Variants in ADCY2 observed in about 807,000 individuals in gnomAD.
ADCY2 encodes the protein adenylate cyclase type 2.
In ADCY2, 31 loss-of-function variants were observed where a neutral mutation model predicts 125.2. The ratio of observed to expected loss-of-function variants is 0.25; its 90% CI spans 0.19 to 0.33. ADCY2 has a LOEUF of 0.33. Among genes scored for constraint, ADCY2 ranks in the 10% least tolerant of loss-of-function variants. ADCY2 has a pLI of 1.00. For missense variants in ADCY2, 904 were observed against 1,418.2 expected (o/e 0.64, Z 5.82); for synonymous variants, 512 against 548.4 (o/e 0.93, Z 0.93).
chr5:7,650,376 A>C (rs1228119102), intron 4 of ADCY2, among the ~76,000 whole-genome samples: 1 of 152,218 alleles, frequency 6.6e-6, no homozygotes, highest in Non-Finnish European at 1.5e-5. Flanking sequence ...AGCTGCCATT[A>C]CCATAAATAT....
chr5:7,493,910 A>G (rs1205373792), intron 2 of ADCY2, among the ~76,000 whole-genome samples: 3 of 152,254 alleles, frequency 2.0e-5, no homozygotes, highest in Non-Finnish European at 4.4e-5. Context: ...CCCCTGGCTC[A>G]GGTCCATAAA....
intron 3 of ADCY2, among the ~76,000 whole-genome samples, chr5:7,564,399 C>T (rs1735820293): frequency 6.6e-6 from 1 of 152,262 alleles, no homozygotes; most frequent in African/African-American, 2.4e-5. Context: ...CAAACAATAA[C>T]CATGGCCTAC....
chr5:7,532,898 C>T (rs1384625298), intron 3 of ADCY2, among the ~76,000 whole-genome samples: 1 of 151,758 alleles, frequency 6.6e-6, no homozygotes, highest in African/African-American at 2.4e-5. Context: ...ACTTATGCAG[C>T]TCTGGCCATG....
At chr5:7,433,562 A>G (rs1372291927) in intron 2 of ADCY2, among the ~76,000 whole-genome samples, 2 of 152,228 alleles carry the variant, frequency 1.3e-5, no homozygotes, top group Admixed American at 6.5e-5. Flanking sequence ...TCTAAGAAGC[A>G]TAAAAACCAT....
At chr5:7,464,135 G>T (rs1230178993) in intron 2 of ADCY2, among the ~76,000 whole-genome samples, 1 of 152,008 alleles carries the variant, frequency 6.6e-6, no homozygotes. Context: ...TGTATATTTT[G>T]TGTGTGTGTT....
chr5:7,804,178 C>T (rs1744689688), intron 21 of ADCY2, among the ~76,000 whole-genome samples: 1 of 152,008 alleles, frequency 6.6e-6, no homozygotes. Context: ...AGCCAGTCCT[C>T]AGCACTAATA....
At position 7,806,313 on chromosome 5, in the gene ADCY2, TA is replaced by T. The variant is rs1005991584; in HGVS notation, c.2883+1631del. Reference sequence around the variant, plus strand: ...TAATGTTCTGGAAAACATTGACCATTAAAAAAAAAATAACATTAAGACATGT... The same window carrying T: ...TAATGTTCTGGAAAACATTGACCATTAAAAAAAAATAACATTAAGACATGT... On this transcript the variant is annotated intron_variant, in intron 22 of 24. Transcript: ENST00000338316. 2.5e-3 allele frequency among the ~76,000 whole-genome samples: 369 copies of T among 148,854 alleles called. 1 individual carries two copies. The highest frequency in any genetic ancestry group is 7.5e-3 in the African/African-American group (306 of 40,810).
intron 3 of ADCY2, among the ~76,000 whole-genome samples, chr5:7,546,938 C>T (rs1003709124): frequency 4.6e-5 from 7 of 152,136 alleles, no homozygotes; most frequent in South Asian, 2.1e-4. Context: ...CTCCTGAGCC[C>T]GTTTGGCATT....
chr5:7,596,802 A>G (rs1338826424), intron 3 of ADCY2, among the ~76,000 whole-genome samples: 1 of 152,258 alleles, frequency 6.6e-6, no homozygotes, highest in Non-Finnish European at 1.5e-5. Flanking sequence ...TCATGGAATT[A>G]GATGCCACAG....
chr5:7,620,992 T>C (rs754586816), intron 3 of ADCY2, among the ~76,000 whole-genome samples: 3 of 152,302 alleles, frequency 2.0e-5, no homozygotes, highest in Middle Eastern at 3.4e-3. Context: ...GGTGTCTGCT[T>C]GGGCCATTTT....
intron 4 of ADCY2, chr5:7,654,062 A>C (rs1220694082): frequency 2.2e-6 from 1 of 456,260 alleles, no homozygotes; most frequent in Non-Finnish European, 4.4e-6. Context: ...AGAAGCCAGC[A>C]GATCAGTAGC....
intron 3 of ADCY2, among the ~76,000 whole-genome samples, chr5:7,553,830 C>T (rs569364712): frequency 6.6e-6 from 1 of 152,326 alleles, no homozygotes; most frequent in African/African-American, 2.4e-5. Context: ...CAATCCAGAG[C>T]ACCTTACCCA....
chr5:7,683,484 C>T (rs1740406803), intron 4 of ADCY2, among the ~76,000 whole-genome samples: 1 of 152,234 alleles, frequency 6.6e-6, no homozygotes, highest in Non-Finnish European at 1.5e-5. Flanking sequence ...GGGACTGCCA[C>T]TTTGCACCAT....
chr5:7,582,357 A>G (rs1736464744), intron 3 of ADCY2, among the ~76,000 whole-genome samples: 1 of 152,204 alleles, frequency 6.6e-6, no homozygotes, highest in South Asian at 2.1e-4. Context: ...AGAACAAAAT[A>G]ACACCAATCT....
intron 12 of ADCY2, among the ~76,000 whole-genome samples, chr5:7,718,200 G>C (rs1435186413): frequency 6.9e-6 from 1 of 145,758 alleles, no homozygotes; most frequent in Non-Finnish European, 1.5e-5. Context: ...CCAGGCTGGA[G>C]TGCAGTGGCA....
chr5:7,423,857 G>C (rs1273739888), intron 2 of ADCY2, among the ~76,000 whole-genome samples: 3 of 152,100 alleles, frequency 2.0e-5, no homozygotes, highest in Non-Finnish European at 2.9e-5. Flanking sequence ...AGGAGCATGG[G>C]CTCCGGTACT....
At chr5:7,658,982 G>A (rs1739437203) in intron 4 of ADCY2, among the ~76,000 whole-genome samples, 1 of 152,260 alleles carries the variant, frequency 6.6e-6, no homozygotes, top group Admixed American at 6.5e-5. Context: ...CTAGAAAAAT[G>A]CTTGACCACA....
At chr5:7,627,916 A>G (rs1017888521) in intron 4 of ADCY2, among the ~76,000 whole-genome samples, 1 of 152,198 alleles carries the variant, frequency 6.6e-6, no homozygotes, top group Non-Finnish European at 1.5e-5. Flanking sequence ...TAAAAAATAC[A>G]TTTTGTCTTA....
At chr5:7,808,901 G>A (rs1418456674) in intron 22 of ADCY2, among the ~76,000 whole-genome samples, 1 of 152,196 alleles carries the variant, frequency 6.6e-6, no homozygotes, top group Non-Finnish European at 1.5e-5. Flanking sequence ...CCCAGCCACT[G>A]TTGTTAACAC....
Sources: gnomAD v4.1 joint callset for allele counts (sites outside exome capture counted in the v4.1 genomes callset) on GRCh38, gnomAD v4.1.1 for gene constraint, MANE v1.5 for transcripts, NCBI Gene and HGNC (gene_info 2026-07-23, HGNC 2026-07-21) for gene names.